EYS: variants seen among roughly 807,000 people sequenced by gnomAD.
The protein encoded by EYS is protein eyes shut homolog.
A neutral mutation model predicts 282.1 loss-of-function variants in EYS; 250 were observed. The ratio of observed to expected loss-of-function variants is 0.89; its 90% CI spans 0.80 to 0.98. The LOEUF is 0.98. Among genes scored for constraint, EYS ranks in the 50% least tolerant of loss-of-function variants. The probability of loss-of-function intolerance (pLI) is 0.00; values close to 1 mark genes in which losing one functional copy is unlikely to be tolerated. For synonymous variants in EYS, 1,355 were observed against 1,282.9 expected (o/e 1.06, Z -1.20); for missense variants, 4,016 against 3,709.0 (o/e 1.08, Z -2.15).
intron 22 of EYS, among the ~76,000 whole-genome samples, chr6:64,705,685 G>A (rs1770980362): frequency 6.6e-6 from 1 of 151,630 alleles, no homozygotes; most frequent in Non-Finnish European, 1.5e-5. Context: ...TAGGGACATG[G>A]ATGAAATTGG....
intron 13 of EYS, among the ~76,000 whole-genome samples, chr6:65,023,954 G>A (rs1772323243): frequency 1.3e-5 from 2 of 152,148 alleles, no homozygotes; most frequent in African/African-American, 2.4e-5. Context: ...AATGGTTTGT[G>A]AGGTTAAAAG....
intron 19 of EYS, among the ~76,000 whole-genome samples, chr6:64,846,049 T>C (rs1247152780): frequency 1.3e-5 from 2 of 152,160 alleles, no homozygotes; most frequent in South Asian, 2.1e-4. Context: ...AATCATCTTA[T>C]AGAGGCAGTT....
intron 33 of EYS, among the ~76,000 whole-genome samples, chr6:64,033,160 T>C (rs1769942265): frequency 6.6e-6 from 1 of 152,228 alleles, no homozygotes; most frequent in South Asian, 2.1e-4. Flanking sequence ...ATGTCTACTC[T>C]GAAGAAATGT....
chr6:65,452,450 A>G (rs1764442764), intron 5 of EYS, among the ~76,000 whole-genome samples: 1 of 151,988 alleles, frequency 6.6e-6, no homozygotes, highest in South Asian at 2.1e-4. Flanking sequence ...TATAGAAGCC[A>G]CTAAGGTAGG....
intron 12 of EYS, among the ~76,000 whole-genome samples, chr6:65,095,089 G>T (rs1234062219): frequency 2.0e-5 from 3 of 151,108 alleles, no homozygotes; most frequent in Non-Finnish European, 4.5e-5. Flanking sequence ...TAACCTAAAA[G>T]AAATGTATAA....
chr6:65,524,503 T>C (rs1016691462), intron 2 of EYS, among the ~76,000 whole-genome samples: 1 of 152,188 alleles, frequency 6.6e-6, no homozygotes, highest in African/African-American at 2.4e-5. Flanking sequence ...ATATACAGCC[T>C]TCTAGAGAAC....
At chr6:65,544,001 A>AGTGTGTGTGTGTGTGTGTGTGT (rs751872447) in intron 2 of EYS, among the ~76,000 whole-genome samples, 3 of 144,976 alleles carry the variant, frequency 2.1e-5, no homozygotes, top group Non-Finnish European at 3.0e-5. Flanking sequence ...AAAAAGAGAA[A>AGTGTGTGTGTGTGTGTGTGTGT]GTGTGTGTGT....
intron 13 of EYS, among the ~76,000 whole-genome samples, chr6:65,007,746 G>A (rs371409405): frequency 2.0e-4 from 31 of 152,222 alleles, no homozygotes; most frequent in African/African-American, 6.0e-4. Flanking sequence ...CCCTCCAAGC[G>A]GTGGGAGGAG....
At chr6:64,049,021 A>G (rs1379491232) in intron 33 of EYS, among the ~76,000 whole-genome samples, 3 of 152,128 alleles carry the variant, frequency 2.0e-5, no homozygotes, top group Non-Finnish European at 2.9e-5. Flanking sequence ...CAACTTCCTC[A>G]TATGTCAATT....
At chr6:65,044,541 T>G (rs1374683623) in intron 13 of EYS, among the ~76,000 whole-genome samples, 1 of 151,874 alleles carries the variant, frequency 6.6e-6, no homozygotes, top group Non-Finnish European at 1.5e-5. Context: ...GTCTCTCTAG[T>G]AATAATTATA....
At chr6:64,147,897 T>C (rs1174423128) in intron 31 of EYS, among the ~76,000 whole-genome samples, 1 of 152,196 alleles carries the variant, frequency 6.6e-6, no homozygotes, top group African/African-American at 2.4e-5. Flanking sequence ...TTTGCATGTA[T>C]GAAAAATAAA....
chr6:64,561,354 G>C (rs1287957961), intron 26 of EYS, among the ~76,000 whole-genome samples: 1 of 151,996 alleles, frequency 6.6e-6, no homozygotes, highest in Non-Finnish European at 1.5e-5. Context: ...GAAATAAAGG[G>C]AATCCAAATA....
At chr6:65,187,864 A>C (rs1292594647) in intron 12 of EYS, among the ~76,000 whole-genome samples, 1 of 151,690 alleles carries the variant, frequency 6.6e-6, no homozygotes, top group African/African-American at 2.4e-5. Flanking sequence ...TTCCCAAATT[A>C]ATTTTTGCCT....
intron 16 of EYS, among the ~76,000 whole-genome samples, chr6:64,903,793 T>C (rs1015474772): frequency 3.9e-5 from 6 of 152,170 alleles, no homozygotes; most frequent in Non-Finnish European, 7.4e-5. Context: ...CCATTCTCTG[T>C]GGTGTCTACC....
At chr6:64,391,733 C>G (rs958466196) in intron 28 of EYS, among the ~76,000 whole-genome samples, 8 of 151,952 alleles carry the variant, frequency 5.3e-5, no homozygotes, top group African/African-American at 9.7e-5. Flanking sequence ...AGCAAAATAA[C>G]CAGCTAACAT....
At chr6:64,356,919 G>A (rs1771843127) in intron 29 of EYS, among the ~76,000 whole-genome samples, 1 of 151,554 alleles carries the variant, frequency 6.6e-6, no homozygotes, top group South Asian at 2.1e-4. Context: ...AGCTTAATTA[G>A]CCCAGAATAG....
chr6:64,129,722 T>C (rs1010937466), intron 31 of EYS, among the ~76,000 whole-genome samples: 4 of 152,220 alleles, frequency 2.6e-5, no homozygotes, highest in African/African-American at 9.6e-5. Context: ...ATGTCCTGAA[T>C]GGTATTGCCT....
intron 2 of EYS, among the ~76,000 whole-genome samples, chr6:65,547,638 T>C (rs939497815): frequency 2.0e-5 from 3 of 152,200 alleles, no homozygotes; most frequent in Non-Finnish European, 2.9e-5. Flanking sequence ...GAAAAAGTTG[T>C]ATTTATGCAA....
At chr6:65,363,750 T>A (rs1174862684) in intron 8 of EYS, among the ~76,000 whole-genome samples, 1 of 151,924 alleles carries the variant, frequency 6.6e-6, no homozygotes, top group African/African-American at 2.4e-5. Context: ...GTAATTTAAC[T>A]AAAACTTAGA....
Sources: allele counts gnomAD v4.1 joint callset (sites outside exome capture counted in the v4.1 genomes callset), GRCh38; gene constraint gnomAD v4.1.1; transcripts MANE v1.5; gene names NCBI Gene and HGNC (gene_info 2026-07-23, HGNC 2026-07-21).